Variants in ST8SIA5 observed in about 807,000 individuals in gnomAD.
ST8SIA5 encodes the protein ST8 alpha-N-acetyl-neuraminide alpha-2,8-sialyltransferase 5.
Under a neutral mutation model 40.2 loss-of-function variants are expected in ST8SIA5, and 24 were observed. The ratio of observed to expected loss-of-function variants is 0.60; its 90% confidence interval spans 0.43 to 0.84. The LOEUF (loss-of-function observed/expected upper bound fraction) is 0.84. Among genes scored for constraint, ST8SIA5 ranks in the 40% least tolerant of loss-of-function variants. The pLI is 0.00. For missense variants in ST8SIA5, 465 were observed against 498.5 expected (o/e 0.93, Z 0.64); for synonymous variants, 198 against 201.8 (o/e 0.98, Z 0.16).
chr18:46,756,805 G>T lies in ST8SIA5; in HGVS notation c.-297C>A, dbSNP rs1253675031. ...CAGGCGCCGGTGCCGGGTAGCCGCCGATTTCCCCGCGGAGGGGAGACGCCA... is the reference window on the plus strand; with the variant it reads ...CAGGCGCCGGTGCCGGGTAGCCGCCTATTTCCCCGCGGAGGGGAGACGCCA... On this transcript the variant is annotated 5_prime_UTR_variant, in exon 1 of 7. Coordinates refer to ENST00000315087, the MANE Select transcript of ST8SIA5 (RefSeq NM_013305.6). 1.5e-4 allele frequency: 50 copies of T among 342,006 alleles called. No homozygotes were observed. Among genetic ancestry groups the T allele is most frequent in the Non-Finnish European group, 9.5e-5 (18 of 189,876 alleles). The allele number at this position is 342,006 out of a possible 1,614,324, so 21.2% of individuals were successfully genotyped here.
intron 1 of ST8SIA5, among the ~76,000 whole-genome samples, chr18:46,743,143 G>C (rs1048081197): frequency 2.6e-5 from 4 of 152,122 alleles, no homozygotes; most frequent in African/African-American, 9.7e-5. Flanking sequence ...TAAAAACCAG[G>C]GTGCCTCTTC....
Position 46,673,256 on chromosome 18 carries a change from A to T in ST8SIA5, c.*6786T>A, listed in dbSNP as rs1419119944. The T allele has an allele frequency of 6.6e-6, 1 of 152,210 alleles. No homozygotes were observed. Among genetic ancestry groups the T allele is most frequent in the Non-Finnish European group, 1.5e-5 (1 of 68,034 alleles). 9.4% of individuals were successfully genotyped at this position (152,210 alleles called of 1,614,324 possible). ...TTTACCATAATTACAAATGAAAAAGAAATCTTTGTTTGTGTTAAAGCAAAA... is the reference window on the plus strand; with the variant it reads ...TTTACCATAATTACAAATGAAAAAGTAATCTTTGTTTGTGTTAAAGCAAAA... On this transcript the variant is annotated 3_prime_UTR_variant, in exon 7 of 7. Transcript: ENST00000315087.
rs1483848835 is a variant in ST8SIA5, at chr18:46,674,629, G to GT, written c.*5412dup. On this transcript the variant is annotated 3_prime_UTR_variant, in exon 7 of 7. Transcript: ENST00000315087. The stretch of plus-strand genomic sequence containing the variant: ...GCAATACAAAATGAGCTTAGATATC[G>GT]TGTCTTCCCTTGGGGAGAAGGCAAA... The GT allele has an allele frequency of 6.6e-6, 1 of 152,296 alleles. No homozygotes were observed. Among genetic ancestry groups the GT allele is most frequent in the Non-Finnish European group, 1.5e-5 (1 of 68,096 alleles). The allele number at this position is 152,296 out of a possible 1,614,324, so 9.4% of individuals were successfully genotyped here.
At position 46,668,884 on chromosome 18, in the gene ST8SIA5, G is replaced by A. The variant is rs12953965; in HGVS notation, c.*11158C>T. On this transcript the variant is annotated 3_prime_UTR_variant, in exon 7 of 7. Coordinates refer to ENST00000315087, the MANE Select transcript of ST8SIA5 (RefSeq NM_013305.6). ...TACAGGACGATGGGCTCGGGAGTCCGGGGTAGTCTGGCAGGAGCTGCCACT... is the reference window on the plus strand; with the variant it reads ...TACAGGACGATGGGCTCGGGAGTCCAGGGTAGTCTGGCAGGAGCTGCCACT... The A allele has an allele frequency of 0.064, 9,803 of 152,374 alleles. 405 individuals are homozygous for A. The highest frequency in any genetic ancestry group is 0.15 in the East Asian group (787 of 5,136). 9.4% of individuals were successfully genotyped at this position (152,374 alleles called of 1,614,324 possible).
In ST8SIA5 at chr18:46,737,986, G is replaced by A. The variant is rs113432450; in HGVS notation, c.131+18392C>T. ...GGATTTCACCACGTTGGCCAGGCTG[G>A]TCTCAAACTCCTGACCTCAGGTAAT... On this transcript the variant is annotated intron_variant, in intron 1 of 6. Coordinates refer to ENST00000315087, the MANE Select transcript of ST8SIA5 (RefSeq NM_013305.6). Among the ~76,000 whole-genome samples the A allele has an allele frequency of 5.9e-4, 90 of 152,106 alleles. 4 individuals are homozygous for A. The highest frequency in any genetic ancestry group is 2.1e-3 in the African/African-American group (88 of 41,496).
intron 1 of ST8SIA5, among the ~76,000 whole-genome samples, chr18:46,741,151 GA>G (rs2040083192): frequency 1.3e-5 from 2 of 151,948 alleles, no homozygotes; most frequent in South Asian, 4.2e-4. Flanking sequence ...GTAAAAAACA[GA>G]AAAAGAAACA....
chr18:46,715,636 G>C (rs918111395), intron 1 of ST8SIA5, among the ~76,000 whole-genome samples: 2 of 151,672 alleles, frequency 1.3e-5, no homozygotes, highest in Admixed American at 6.6e-5. Flanking sequence ...TCAGCTCATA[G>C]TGGCATGATC....
In ST8SIA5 at chr18:46,710,417, T is replaced by TTC. The variant is rs1166568029; in HGVS notation, c.132-5754_132-5753insGA. Among the ~76,000 whole-genome samples, 510 of 90,334 alleles carry TTC rather than the reference T, an allele frequency of 5.6e-3. 2 individuals are homozygous for TTC. The highest frequency in any genetic ancestry group is 0.01 in the Non-Finnish European group (409 of 39,148). The allele number at this position is 90,334 out of a possible 152,430, so 59.3% of individuals were successfully genotyped here. On this transcript the variant is annotated intron_variant, in intron 1 of 6. Coordinates refer to ENST00000315087, the MANE Select transcript of ST8SIA5 (RefSeq NM_013305.6). ...TTTCTTTCTTTCTTTCTTTCTTTCT[T>TTC]TTTCTTTCTCTCTCTTTCTTTTTCT...
At chr18:46,728,267 A>G (rs959693514) in intron 1 of ST8SIA5, among the ~76,000 whole-genome samples, 1 of 151,778 alleles carries the variant, frequency 6.6e-6, no homozygotes, top group Non-Finnish European at 1.5e-5. Flanking sequence ...ATCCTTTCCC[A>G]TTTTGATTGA....
intron 4 of ST8SIA5, 32 bp from the exon 5 acceptor site, chr18:46,686,318 C>A (rs2039447335): frequency 6.3e-7 from 1 of 1,591,332 alleles, no homozygotes; most frequent in South Asian, 1.1e-5. Context: ...CTGTCAGAGC[C>A]AAGCCACCCC....
intron 1 of ST8SIA5, among the ~76,000 whole-genome samples, chr18:46,751,499 C>T (rs1226263473): frequency 2.0e-5 from 3 of 152,026 alleles, no homozygotes; most frequent in Non-Finnish European, 4.4e-5. Context: ...CAGTTTCAAG[C>T]AATTCTTGTG....
chr18:46,752,980 C>T (rs2040208321), intron 1 of ST8SIA5, among the ~76,000 whole-genome samples: 1 of 152,192 alleles, frequency 6.6e-6, no homozygotes, highest in African/African-American at 2.4e-5. Context: ...CTGCCATTAC[C>T]CTACTCCAGG....
chr18:46,709,045 C>T (rs1443467351), intron 1 of ST8SIA5, among the ~76,000 whole-genome samples: 1 of 152,170 alleles, frequency 6.6e-6, no homozygotes, highest in East Asian at 1.9e-4. Context: ...CCTACCTGGG[C>T]TCTGCTTTTT....
At chr18:46,719,561 C>T (rs2039830415) in intron 1 of ST8SIA5, among the ~76,000 whole-genome samples, 1 of 152,166 alleles carries the variant, frequency 6.6e-6, no homozygotes, top group Non-Finnish European at 1.5e-5. Flanking sequence ...GAATGGAGCC[C>T]ATGCAATGAC....
At chr18:46,705,213 A>G (rs2039658441) in intron 1 of ST8SIA5, among the ~76,000 whole-genome samples, 1 of 152,220 alleles carries the variant, frequency 6.6e-6, no homozygotes, top group Admixed American at 6.5e-5. Context: ...GCTCCAGGTC[A>G]TACTGTCCGT....
At chr18:46,701,550 C>A (rs925889180) in intron 2 of ST8SIA5, among the ~76,000 whole-genome samples, 1 of 152,090 alleles carries the variant, frequency 6.6e-6, no homozygotes, top group Non-Finnish European at 1.5e-5. Flanking sequence ...GACTCAGACC[C>A]GGGGCAACCA....
intron 4 of ST8SIA5, among the ~76,000 whole-genome samples, chr18:46,687,376 G>A (rs527237865): frequency 6.6e-6 from 1 of 152,316 alleles, no homozygotes; most frequent in East Asian, 1.9e-4. Flanking sequence ...TCCTAAAACA[G>A]TTACCGCCTG....
In ST8SIA5 at chr18:46,680,123, C is replaced by A; in HGVS notation, c.1050G>T (p.Met350Ile). The change falls in exon 7 of 7, where the codon ATG becomes ATT. Residue 350 changes from methionine (M) to isoleucine (I), a missense_variant. Met to Ile is a conservative substitution (Grantham distance 10). Coordinates refer to ENST00000315087, the MANE Select transcript of ST8SIA5 (RefSeq NM_013305.6). ...GCAGGAAGTTGAAGATCTCAGAGGG[C>A]ATGGCGTGGAAGCCGGGACGCGGCT... ...NVKPRPGFHA[M>I]PSEIFNFLHL... 6.2e-7 allele frequency: 1 copy of A among 1,614,204 alleles called. No homozygotes were observed.
Position 46,741,603 on chromosome 18 carries a change from A to G in ST8SIA5, c.131+14775T>C, listed in dbSNP as rs192239857. On this transcript the variant is annotated intron_variant, in intron 1 of 6. Transcript: ENST00000315087. The stretch of plus-strand genomic sequence containing the variant: ...TTACATCCAATAGCATTCAAGAAAC[A>G]GAACAGATCATCCTGAATAAAAATA... Among the ~76,000 whole-genome samples the G allele has an allele frequency of 2.1e-3, 318 of 152,352 alleles. 1 individual carries two copies. The highest frequency in any genetic ancestry group is 1.8e-3 in the Non-Finnish European group (123 of 68,028).
Sources: allele counts gnomAD v4.1 joint callset (sites outside exome capture counted in the v4.1 genomes callset), GRCh38; gene constraint gnomAD v4.1.1; transcripts MANE v1.5; gene names NCBI Gene and HGNC (gene_info 2026-07-23, HGNC 2026-07-21).